The following ANO1 variants were observed in gnomAD, a reference collection of about 807,000 sequenced individuals.
The protein encoded by ANO1 is anoctamin 1.
ANO1 carries 59 observed loss-of-function variants against 124.0 expected under a neutral mutation model. The ratio of observed to expected loss-of-function variants is 0.48; its 90% CI spans 0.39 to 0.59. ANO1 has a LOEUF of 0.59. Among genes scored for constraint, ANO1 ranks in the 20% least tolerant of loss-of-function variants. The pLI is 0.00. For synonymous variants in ANO1, 529 were observed against 532.0 expected (o/e 0.99, Z 0.08); for missense variants, 1,059 against 1,328.0 (o/e 0.80, Z 3.15).
chr11:70,124,665 T>TGCCTG (rs1276486865), intron 9 of ANO1, among the ~76,000 whole-genome samples: 1 of 152,214 alleles, frequency 6.6e-6, no homozygotes, highest in African/African-American at 2.4e-5. Flanking sequence ...CTAAATTCAC[T>TGCCTG]GCCTGGCCTG....
chr11:70,069,203 G>T (rs558529346), intron 1 of ANO1, among the ~76,000 whole-genome samples: 5 of 152,328 alleles, frequency 3.3e-5, no homozygotes, highest in Non-Finnish European at 7.3e-5. Flanking sequence ...ACCAAGGAAA[G>T]GGTCCGCTTT....
chr11:69,987,870 C>T (rs117462549), intron 1 of ANO1, among the ~76,000 whole-genome samples: 2,114 of 152,268 alleles, frequency 0.014, 26 homozygotes, highest in Non-Finnish European at 0.018. Flanking sequence ...GGATTCAGCT[C>T]ATCAGATCTG....
intron 15 of ANO1, among the ~76,000 whole-genome samples, chr11:70,156,297 C>T (rs541844803): frequency 1.3e-5 from 2 of 152,254 alleles, no homozygotes; most frequent in South Asian, 4.2e-4. Flanking sequence ...CACCCCAGAA[C>T]GAGTGGCCTC....
intron 1 of ANO1, among the ~76,000 whole-genome samples, chr11:69,999,352 C>T (rs782587459): frequency 2.0e-5 from 3 of 152,178 alleles, no homozygotes; most frequent in African/African-American, 4.8e-5. Flanking sequence ...CTATTAACCA[C>T]GCTTGAGAAA....
intron 8 of ANO1, 67 bp downstream of exon 8, chr11:70,116,566 G>A (rs761572447): frequency 4.5e-4 from 684 of 1,508,466 alleles, no homozygotes; most frequent in Non-Finnish European, 6.0e-4. Context: ...GGCGGGGTGG[G>A]CCTGCAGCTG....
At chr11:70,101,814 C>T (rs1004018030) in intron 2 of ANO1, among the ~76,000 whole-genome samples, 1 of 152,158 alleles carries the variant, frequency 6.6e-6, no homozygotes, top group Admixed American at 6.5e-5. Flanking sequence ...CTTCCCATCC[C>T]TTCCTTTAAG....
intron 24 of ANO1, 140 bp from the exon 25 acceptor site, chr11:70,185,450 G>A (rs948966502): frequency 5.7e-6 from 4 of 700,462 alleles, no homozygotes; most frequent in African/African-American, 1.8e-5. Flanking sequence ...TGGGCTGCTC[G>A]CCCAAGAGAG....
At chr11:70,049,727 T>C (rs7118230) in intron 1 of ANO1, among the ~76,000 whole-genome samples, 52,294 of 151,960 alleles carry the variant, frequency 0.34, 9,340 homozygotes, top group Admixed American at 0.4. Flanking sequence ...TTTGTTTTGT[T>C]TTTGTTTTTT....
chr11:70,059,592 G>A (rs1203770302), intron 1 of ANO1, among the ~76,000 whole-genome samples: 6 of 152,248 alleles, frequency 3.9e-5, no homozygotes, highest in Admixed American at 3.3e-4. Flanking sequence ...AAATCCACAA[G>A]CCTGATGCGT....
chr11:70,118,620 T>A (rs922524403), intron 8 of ANO1, among the ~76,000 whole-genome samples: 19 of 85,042 alleles, frequency 2.2e-4, no homozygotes, highest in African/African-American at 9.1e-4. Context: ...ATGGATAGAT[T>A]ATGGATGGGT....
At chr11:70,103,950 A>C in intron 3 of ANO1, 49 bp from the exon 4 acceptor site, 3 of 1,582,110 alleles carry the variant, frequency 1.9e-6, no homozygotes, top group Non-Finnish European at 2.6e-6. Context: ...TCCACGGATC[A>C]TGGTCCAGCA....
intron 1 of ANO1, among the ~76,000 whole-genome samples, chr11:70,040,396 G>A (rs1857164969): frequency 6.6e-6 from 1 of 152,162 alleles, no homozygotes; most frequent in African/African-American, 2.4e-5. Flanking sequence ...GTCCTCTAGG[G>A]CAAGGTATGT....
chr11:70,117,996 G>A (rs2135440055), intron 8 of ANO1, among the ~76,000 whole-genome samples: 1 of 152,292 alleles, frequency 6.6e-6, no homozygotes, highest in Non-Finnish European at 1.5e-5. Flanking sequence ...CAATCCTGTT[G>A]GAAAAGGACC....
intron 1 of ANO1, among the ~76,000 whole-genome samples, chr11:70,032,126 T>A (rs1367094533): frequency 6.6e-6 from 1 of 152,190 alleles, no homozygotes; most frequent in Non-Finnish European, 1.5e-5. Context: ...GGACCTGGGC[T>A]GTTAGAACCA....
intron 8 of ANO1, among the ~76,000 whole-genome samples, chr11:70,117,096 C>CTTTTTTTTTTTTT (rs1479602475): frequency 6.6e-5 from 5 of 75,966 alleles, no homozygotes; most frequent in Non-Finnish European, 7.9e-5. Flanking sequence ...TTCTTTGTTT[C>CTTTTTTTTTTTTT]TTTCTTTTTT....
chr11:69,982,993 A>G (rs1855972036), upstream of ANO1, among the ~76,000 whole-genome samples: 1 of 152,102 alleles, frequency 6.6e-6, no homozygotes. Flanking sequence ...GAGGGTCCAG[A>G]GAAGGTCAAT....
intron 1 of ANO1, among the ~76,000 whole-genome samples, chr11:70,053,526 T>C (rs951714262): frequency 5.9e-5 from 9 of 152,236 alleles, no homozygotes; most frequent in Non-Finnish European, 1.3e-4. Flanking sequence ...TCCTTTATTT[T>C]GTTAATTTTT....
At chr11:70,174,506 G>A (rs1054039264) in intron 22 of ANO1, among the ~76,000 whole-genome samples, 7 of 152,212 alleles carry the variant, frequency 4.6e-5, no homozygotes, top group Non-Finnish European at 1.0e-4. Flanking sequence ...AGAGCAAGGC[G>A]AGATTGCACC....
chr11:70,073,518 A>C (rs2135145562), upstream of ANO1, among the ~76,000 whole-genome samples: 2 of 152,320 alleles, frequency 1.3e-5, 1 homozygote, highest in South Asian at 4.1e-4. Flanking sequence ...GAACATCTAT[A>C]GTGTGCCAAG....
Sources: gnomAD v4.1 joint callset for allele counts (sites outside exome capture counted in the v4.1 genomes callset) on GRCh38, gnomAD v4.1.1 for gene constraint, MANE v1.5 for transcripts, NCBI Gene and HGNC (gene_info 2026-07-23, HGNC 2026-07-21) for gene names.